SLC8A3: variants seen among roughly 807,000 people sequenced by gnomAD.
SLC8A3 encodes sodium/calcium exchanger 3.
Under a neutral mutation model 65.4 loss-of-function variants are expected in SLC8A3, and 37 were observed. That is an observed-to-expected ratio of 0.57 (90% CI 0.44 to 0.74). The LOEUF (loss-of-function observed/expected upper bound fraction) is 0.74, where lower values mean the gene tolerates loss of function less well. Among genes scored for constraint, SLC8A3 ranks in the 30% least tolerant of loss-of-function variants. The pLI is 0.00. For missense variants in SLC8A3, 1,112 were observed against 1,172.1 expected (o/e 0.95, Z 0.75); for synonymous variants, 461 against 444.5 (o/e 1.04, Z -0.47).
rs1302862312 is a variant in SLC8A3, at chr14:70,044,970, C to T, written c.*977G>A. On this transcript the variant is annotated 3_prime_UTR_variant, in exon 7 of 7. Coordinates refer to ENST00000356921, the MANE Select transcript of SLC8A3 (RefSeq NM_182932.3). The stretch of plus-strand genomic sequence containing the variant: ...CAAAGATAATCAAGAAGGCCTGTAT[C>T]CCTTTTGTTCTTCCAGTAGCCCTTT... The T allele has an allele frequency of 2.0e-5, 3 of 152,172 alleles. No individual in the cohort carries two copies. The highest frequency in any genetic ancestry group is 4.4e-5 in the Non-Finnish European group (3 of 68,030). The allele number at this position is 152,172 out of a possible 1,614,324, so 9.4% of individuals were successfully genotyped here.
intron 2 of SLC8A3, among the ~76,000 whole-genome samples, chr14:70,071,011 G>T (rs1237756294): frequency 6.6e-6 from 1 of 152,228 alleles, no homozygotes; most frequent in East Asian, 1.9e-4. Flanking sequence ...GACAGTGTCA[G>T]ATTCTCCCAA....
chr14:70,153,809 GC>G (rs1322721387), intron 2 of SLC8A3, among the ~76,000 whole-genome samples: 6 of 152,170 alleles, frequency 3.9e-5, no homozygotes, highest in African/African-American at 1.4e-4. Context: ...TCTCATCACT[GC>G]CCCGTCTAGC....
Position 70,132,651 on chromosome 14 carries a change from T to A in SLC8A3, c.1784+33988A>T, listed in dbSNP as rs17107793. Among the ~76,000 whole-genome samples, 755 of 152,300 alleles carry A rather than the reference T, an allele frequency of 5.0e-3. 6 individuals carry two copies. The highest frequency in any genetic ancestry group is 0.017 in the African/African-American group (712 of 41,562). ...TCAATTGCATTTCAGGGTAGCCTTT[T>A]GAGGTCATGATCCTGGCAATCTGGT... On this transcript the variant is annotated intron_variant, in intron 2 of 6. Transcript: ENST00000356921.
intron 2 of SLC8A3, among the ~76,000 whole-genome samples, chr14:70,067,693 G>A (rs181468738): frequency 5.9e-5 from 9 of 152,288 alleles, no homozygotes; most frequent in Admixed American, 4.6e-4. Flanking sequence ...TTTTCAGTGG[G>A]ACAAAGAAGC....
chr14:70,129,837 C>T (rs1166821133), intron 2 of SLC8A3, among the ~76,000 whole-genome samples: 1 of 152,202 alleles, frequency 6.6e-6, no homozygotes, highest in Non-Finnish European at 1.5e-5. Flanking sequence ...ACAGTAAACT[C>T]TTGGAGGGCA....
At chr14:70,093,360 G>A (rs938953641) in intron 2 of SLC8A3, among the ~76,000 whole-genome samples, 3 of 152,228 alleles carry the variant, frequency 2.0e-5, no homozygotes, top group Non-Finnish European at 4.4e-5. Flanking sequence ...TGGTGTGGGA[G>A]ACAGAACAGC....
chr14:70,076,583 G>C (rs1890538773), intron 2 of SLC8A3, among the ~76,000 whole-genome samples: 1 of 152,086 alleles, frequency 6.6e-6, no homozygotes, highest in African/African-American at 2.4e-5. Context: ...CACTTGGCTG[G>C]TCTCCCTGAC....
In SLC8A3 at chr14:70,104,100, A is replaced by G. The variant is rs1230369353; in HGVS notation, c.1785-43161T>C. On this transcript the variant is annotated intron_variant, in intron 2 of 6. Transcript: ENST00000356921. The stretch of plus-strand genomic sequence containing the variant: ...AGGAAGATACAACAATCATGAATGT[A>G]TGTGTTTAATAACAGAGTTTCAAAT... Among the ~76,000 whole-genome samples the G allele has an allele frequency of 2.0e-5, 3 of 152,194 alleles. No individual in the cohort carries two copies. The East Asian group carries it at 5.8e-4, about 30-fold the overall frequency.
intron 2 of SLC8A3, among the ~76,000 whole-genome samples, chr14:70,069,847 C>T (rs774076610): frequency 2.0e-5 from 3 of 152,190 alleles, no homozygotes; most frequent in Non-Finnish European, 4.4e-5. Context: ...ACATGAATCA[C>T]CCAAGCATCT....
chr14:70,189,261 C>T (rs958172122), upstream of SLC8A3, among the ~76,000 whole-genome samples: 4 of 152,102 alleles, frequency 2.6e-5, no homozygotes. Context: ...GAGCCTGGCG[C>T]CCGCGCCTCC....
chr14:70,148,540 A>G (rs1405164980), intron 2 of SLC8A3, among the ~76,000 whole-genome samples: 17 of 152,150 alleles, frequency 1.1e-4, no homozygotes, highest in Non-Finnish European at 4.4e-5. Flanking sequence ...AGTAACTGTG[A>G]CCAGTAAAAA....
At chr14:70,150,379 AT>A (rs1308476658) in intron 2 of SLC8A3, among the ~76,000 whole-genome samples, 1 of 152,162 alleles carries the variant, frequency 6.6e-6, no homozygotes, top group Non-Finnish European at 1.5e-5. Flanking sequence ...CACATATTTA[AT>A]CATGCTGCTC....
chr14:70,168,345 AT>A lies in SLC8A3; in HGVS notation c.77del (p.Asn26MetfsTer59). 1 of 1,614,132 alleles carries A rather than the reference AT, an allele frequency of 6.2e-7. No homozygotes were observed. Among genetic ancestry groups the A allele is most frequent in the Non-Finnish European group, 8.5e-7 (1 of 1,180,018 alleles). ...FGLVTFVLFL[N>X]GLRAEAGGSG... ...AGCCACCAGCCTCTGCTCGAAGACC[AT>A]TCAGGAAGAGCACAAAGGTAACCAG... On this transcript the variant is annotated frameshift_variant, in exon 2 of 7. Transcript: ENST00000356921. LOFTEE classifies it high-confidence loss of function.
chr14:70,070,144 GAGTAGGGTGACTAGGAT>G (rs1889878925), intron 2 of SLC8A3, among the ~76,000 whole-genome samples: 1 of 152,186 alleles, frequency 6.6e-6, no homozygotes, highest in Non-Finnish European at 1.5e-5. Flanking sequence ...AGTACATCCA[GAGTAGGGTGACTAGGAT>G]GATGAGAGAT....
At chr14:70,065,162 T>C (rs1245704936) in intron 2 of SLC8A3, among the ~76,000 whole-genome samples, 1 of 152,212 alleles carries the variant, frequency 6.6e-6, no homozygotes, top group Non-Finnish European at 1.5e-5. Context: ...TTTTTTTCTT[T>C]TTTATAAAAT....
intron 1 of SLC8A3, among the ~76,000 whole-genome samples, chr14:70,171,074 C>T (rs969765744): frequency 1.3e-5 from 2 of 152,200 alleles, no homozygotes; most frequent in African/African-American, 4.8e-5. Context: ...TGGCTCTTTA[C>T]TTTGACCTCT....
intron 2 of SLC8A3, among the ~76,000 whole-genome samples, chr14:70,123,587 T>C (rs1894231607): frequency 6.6e-6 from 1 of 151,834 alleles, no homozygotes. Context: ...GTAGCTAGGA[T>C]TACAGGCACC....
At chr14:70,076,875 T>TC (rs1367178495) in intron 2 of SLC8A3, among the ~76,000 whole-genome samples, 1 of 152,224 alleles carries the variant, frequency 6.6e-6, no homozygotes, top group Non-Finnish European at 1.5e-5. Context: ...ATTAAGAGCC[T>TC]GGGCCTTAGA....
At chr14:70,070,522 G>T (rs543293721) in intron 2 of SLC8A3, among the ~76,000 whole-genome samples, 1 of 152,244 alleles carries the variant, frequency 6.6e-6, no homozygotes, top group East Asian at 1.9e-4. Context: ...ATTGATTTGT[G>T]GATCCAGAGG....
Sources: allele counts gnomAD v4.1 joint callset (sites outside exome capture counted in the v4.1 genomes callset), GRCh38; gene constraint gnomAD v4.1.1; transcripts MANE v1.5; gene names NCBI Gene and HGNC (gene_info 2026-07-23, HGNC 2026-07-21).